NBEA: variants seen among roughly 807,000 people sequenced by gnomAD.
NBEA encodes the protein neurobeachin, also known as lysosomal-trafficking regulator 2.
Under a neutral mutation model 343.4 loss-of-function variants are expected in NBEA, and 44 were observed. That is an observed-to-expected ratio of 0.13 (90% confidence interval 0.10 to 0.16). The LOEUF is 0.16. Ranked by LOEUF, NBEA falls within the 10% of genes least tolerant of loss-of-function variation. The probability of loss-of-function intolerance (pLI) is 1.00; values close to 1 mark genes in which losing one functional copy is unlikely to be tolerated. For missense variants in NBEA, 2,555 were observed against 3,631.3 expected (o/e 0.70, Z 7.62); for synonymous variants, 1,175 against 1,238.7 (o/e 0.95, Z 1.08).
At chr13:35,162,947 C>G (rs746958041) in intron 23 of NBEA, among the ~76,000 whole-genome samples, 6 of 152,084 alleles carry the variant, frequency 3.9e-5, no homozygotes, top group Non-Finnish European at 8.8e-5. Context: ...TACTCATATA[C>G]TTTCATTGCT....
intron 39 of NBEA, among the ~76,000 whole-genome samples, chr13:35,446,149 T>C (rs893171635): frequency 1.3e-5 from 2 of 152,058 alleles, no homozygotes; most frequent in African/African-American, 4.8e-5. Context: ...CATGAACTCA[T>C]CCTTTTTTAT....
intron 10 of NBEA, among the ~76,000 whole-genome samples, chr13:35,082,682 T>C (rs192556536): frequency 3.3e-5 from 5 of 152,202 alleles, no homozygotes; most frequent in Admixed American, 1.3e-4. Flanking sequence ...TGATGAGCAT[T>C]TTTTCGTGTG....
At chr13:35,622,165 G>C (rs138244609) in intron 48 of NBEA, among the ~76,000 whole-genome samples, 35 of 152,316 alleles carry the variant, frequency 2.3e-4, no homozygotes, top group African/African-American at 7.7e-4. Flanking sequence ...TCAAGCTAGA[G>C]AGAAAGAAAG....
intron 48 of NBEA, among the ~76,000 whole-genome samples, chr13:35,624,341 T>C (rs1321485578): frequency 6.6e-6 from 1 of 152,110 alleles, no homozygotes; most frequent in African/African-American, 2.4e-5. Context: ...ATTTATGAAG[T>C]ATCTGGGAAT....
chr13:35,243,056 A>G (rs1486773412), intron 34 of NBEA, among the ~76,000 whole-genome samples: 1 of 151,878 alleles, frequency 6.6e-6, no homozygotes, highest in African/African-American at 2.4e-5. Flanking sequence ...AAATCCAAAA[A>G]TGTAAAAACA....
chr13:35,612,482 C>T (rs948098519), intron 48 of NBEA, among the ~76,000 whole-genome samples: 1 of 152,144 alleles, frequency 6.6e-6, no homozygotes, highest in African/African-American at 2.4e-5. Context: ...AGCATCTCTT[C>T]ATGTATTTAT....
intron 41 of NBEA, among the ~76,000 whole-genome samples, chr13:35,483,016 G>A (rs369597281): frequency 6.6e-6 from 1 of 151,708 alleles, no homozygotes; most frequent in Non-Finnish European, 1.5e-5. Context: ...TTACTATTTT[G>A]TCATGCTTCT....
chr13:35,265,030 T>C (rs1275704165), intron 34 of NBEA, among the ~76,000 whole-genome samples: 1 of 151,930 alleles, frequency 6.6e-6, no homozygotes, highest in Non-Finnish European at 1.5e-5. Flanking sequence ...TAAATACATT[T>C]AGTTAAGTTG....
chr13:35,116,958 AC>A (rs1170168635), intron 13 of NBEA, among the ~76,000 whole-genome samples: 1 of 152,042 alleles, frequency 6.6e-6, no homozygotes, highest in Non-Finnish European at 1.5e-5. Context: ...AGGCTGCAAA[AC>A]AAATAATTGC....
chr13:35,525,436 T>C (rs970148490), intron 41 of NBEA, among the ~76,000 whole-genome samples: 5 of 151,764 alleles, frequency 3.3e-5, no homozygotes, highest in Admixed American at 2.0e-4. Context: ...GCCTGTAATC[T>C]CAGCTACTCA....
chr13:35,114,207 T>C (rs896340562), intron 13 of NBEA, among the ~76,000 whole-genome samples: 2 of 152,134 alleles, frequency 1.3e-5, no homozygotes, highest in African/African-American at 4.8e-5. Context: ...TCTATGTATA[T>C]AGGTACATCT....
chr13:35,172,509 G>A (rs1039798213), intron 26 of NBEA, among the ~76,000 whole-genome samples: 5 of 151,724 alleles, frequency 3.3e-5, no homozygotes, highest in African/African-American at 1.2e-4. Flanking sequence ...CATTTATTTG[G>A]TTATTCTGTA....
chr13:35,019,030 A>G (rs1476039044), intron 1 of NBEA, among the ~76,000 whole-genome samples: 2 of 151,144 alleles, frequency 1.3e-5, no homozygotes, highest in East Asian at 3.9e-4. Context: ...GTCAGCTGAT[A>G]TGGGGAATTA....
intron 38 of NBEA, among the ~76,000 whole-genome samples, chr13:35,380,471 T>TAAG (rs1297895379): frequency 2.0e-5 from 3 of 151,944 alleles, no homozygotes; most frequent in Admixed American, 1.3e-4. Context: ...ATAATAATAA[T>TAAG]AATTTGTAGT....
chr13:35,008,274 C>A (rs190699895), intron 1 of NBEA, among the ~76,000 whole-genome samples: 1 of 152,122 alleles, frequency 6.6e-6, no homozygotes, highest in Non-Finnish European at 1.5e-5. Context: ...CCTTCGTATC[C>A]TTGGGAGATT....
At chr13:35,291,084 A>G (rs1042171809) in intron 35 of NBEA, among the ~76,000 whole-genome samples, 4 of 151,800 alleles carry the variant, frequency 2.6e-5, no homozygotes, top group African/African-American at 9.7e-5. Flanking sequence ...TTAAATAGGA[A>G]CCTATTGGTT....
rs143177879 is a variant in NBEA, at chr13:35,004,821, T to A, written c.295-36112T>A. On this transcript the variant is annotated intron_variant, in intron 1 of 58. Transcript: ENST00000379939. ...AATAATGTTTGTCTGGACATTTGAA[T>A]TTAAGCATCGAAAAGGATATTAATA... 9.5e-4 allele frequency among the ~76,000 whole-genome samples: 144 copies of A among 152,304 alleles called. 1 individual carries two copies. The highest frequency in any genetic ancestry group is 3.3e-3 in the African/African-American group (136 of 41,564).
intron 1 of NBEA, among the ~76,000 whole-genome samples, chr13:34,947,536 T>G (rs1002044666): frequency 8.5e-5 from 13 of 152,162 alleles, no homozygotes; most frequent in African/African-American, 3.1e-4. Context: ...ATGCATTAGT[T>G]CCAGGTTTTC....
At chr13:35,399,617 A>G (rs1460945028) in intron 38 of NBEA, among the ~76,000 whole-genome samples, 1 of 152,152 alleles carries the variant, frequency 6.6e-6, no homozygotes, top group Non-Finnish European at 1.5e-5. Flanking sequence ...GCCAAACCAT[A>G]TAAGCTTTCT....
Sources: allele counts gnomAD v4.1 joint callset (sites outside exome capture counted in the v4.1 genomes callset), GRCh38; gene constraint gnomAD v4.1.1; transcripts MANE v1.5; gene names NCBI Gene and HGNC (gene_info 2026-07-23, HGNC 2026-07-21).